ROBO1: variants seen among roughly 807,000 people sequenced by gnomAD.
The protein encoded by ROBO1 is roundabout homolog 1.
In ROBO1, 149 loss-of-function variants were observed where a neutral mutation model predicts 195.9. The observed-to-expected ratio is 0.76, with a 90% CI of 0.67 to 0.87. The LOEUF (loss-of-function observed/expected upper bound fraction) is 0.87, where lower values mean the gene tolerates loss of function less well. ROBO1 is among the 40% of genes least tolerant of loss of function. ROBO1 has a pLI of 0.00. For missense variants in ROBO1, 1,933 were observed against 2,068.3 expected (o/e 0.93, Z 1.27); for synonymous variants, 816 against 733.2 (o/e 1.11, Z -1.82).
At chr3:78,921,885 C>T (rs1240527966) in intron 4 of ROBO1, among the ~76,000 whole-genome samples, 1 of 151,808 alleles carries the variant, frequency 6.6e-6, no homozygotes, top group Non-Finnish European at 1.5e-5. Flanking sequence ...CTCTCGGGTT[C>T]AAGCGATTCC....
intron 3 of ROBO1, chr3:79,018,412 CAG>C: frequency 6.2e-7 from 1 of 1,613,850 alleles, no homozygotes; most frequent in Non-Finnish European, 8.5e-7. Flanking sequence ...GTTACCTGAA[CAG>C]AGACATATTA....
In ROBO1 at chr3:79,734,041, G is replaced by A. The variant is rs573130018; in HGVS notation, c.-51+33711C>T. Among the ~76,000 whole-genome samples the A allele has an allele frequency of 2.1e-4, 31 of 150,648 alleles. 1 individual carries two copies. The East Asian group carries it at 5.5e-3, about 27-fold the overall frequency. Reference sequence around the variant, plus strand: ...GGTCTCACTGCAACCTCCGCCTCCCGGGTTCAAGCAATTCTCCTGCCTCAG... The same window carrying A: ...GGTCTCACTGCAACCTCCGCCTCCCAGGTTCAAGCAATTCTCCTGCCTCAG... On this transcript the variant is annotated intron_variant, in intron 1 of 30. Coordinates refer to ENST00000464233, the MANE Select transcript of ROBO1 (RefSeq NM_002941.4).
intron 2 of ROBO1, among the ~76,000 whole-genome samples, chr3:79,492,943 G>C (rs1939544066): frequency 6.6e-6 from 1 of 151,988 alleles, no homozygotes; most frequent in South Asian, 2.1e-4. Flanking sequence ...ATCAGAAATT[G>C]AGAGCACAAG....
intron 1 of ROBO1, among the ~76,000 whole-genome samples, chr3:79,680,389 A>C (rs1946908959): frequency 6.6e-6 from 1 of 152,076 alleles, no homozygotes; most frequent in Non-Finnish European, 1.5e-5. Context: ...AAACTTACTC[A>C]TACTTGCTAA....
intron 28 of ROBO1, among the ~76,000 whole-genome samples, chr3:78,610,794 A>G (rs1226659627): frequency 6.6e-6 from 1 of 152,210 alleles, no homozygotes; most frequent in Non-Finnish European, 1.5e-5. Context: ...ACTGTACCTA[A>G]TTGACAATTA....
intron 2 of ROBO1, among the ~76,000 whole-genome samples, chr3:79,126,451 C>T (rs1010984056): frequency 1.3e-5 from 2 of 152,128 alleles, no homozygotes; most frequent in Non-Finnish European, 2.9e-5. Context: ...TATATAGAAG[C>T]TCAATGACAC....
intron 1 of ROBO1, among the ~76,000 whole-genome samples, chr3:79,650,205 G>A (rs1945962180): frequency 6.6e-6 from 1 of 151,776 alleles, no homozygotes; most frequent in African/African-American, 2.4e-5. Context: ...TAAGAAAACT[G>A]CAGAGAAAAT....
intron 3 of ROBO1, among the ~76,000 whole-genome samples, chr3:79,004,536 T>C (rs887842443): frequency 3.3e-5 from 5 of 151,998 alleles, no homozygotes; most frequent in Non-Finnish European, 7.4e-5. Context: ...TAGAGAAACA[T>C]AAGAAATACA....
chr3:79,027,228 G>C (rs1273870749), intron 3 of ROBO1, among the ~76,000 whole-genome samples: 1 of 152,010 alleles, frequency 6.6e-6, no homozygotes, highest in African/African-American at 2.4e-5. Flanking sequence ...AATTGTACTC[G>C]AGTTTCCTAT....
At chr3:79,667,662 A>G (rs1023197773) in intron 1 of ROBO1, among the ~76,000 whole-genome samples, 2 of 151,842 alleles carry the variant, frequency 1.3e-5, no homozygotes, top group Non-Finnish European at 2.9e-5. Flanking sequence ...AAAATATGAT[A>G]TAATTAAAGG....
At chr3:79,156,690 G>A (rs1369526569) in intron 2 of ROBO1, among the ~76,000 whole-genome samples, 2 of 151,600 alleles carry the variant, frequency 1.3e-5, no homozygotes, top group Non-Finnish European at 2.9e-5. Flanking sequence ...TTTAAAACAC[G>A]CACAAAAAAT....
Position 78,717,316 on chromosome 3 carries a change from T to G in ROBO1, c.876A>C (p.Thr292=). The G allele has an allele frequency of 6.2e-7, 1 of 1,605,470 alleles. No homozygotes were observed. Among genetic ancestry groups the G allele is most frequent in the South Asian group, 1.1e-5 (1 of 89,418 alleles). The part of the protein sequence containing the change: ...KCEARGDPVP[T]VRWRKDDGEL... ...CTCCATCATCTTTCCTCCATCGTAC[T>G]GTAGGTACAGGGTCACCTCGGGCCT... The change falls in exon 7 of 31, where the codon ACA becomes ACC. Residue 292 remains threonine, a synonymous_variant. Coordinates refer to ENST00000464233, the MANE Select transcript of ROBO1 (RefSeq NM_002941.4).
At chr3:79,199,611 TTTTG>T (rs1559730240) in intron 2 of ROBO1, among the ~76,000 whole-genome samples, 1 of 151,752 alleles carries the variant, frequency 6.6e-6, no homozygotes, top group African/African-American at 2.4e-5. Flanking sequence ...ACCATTTTTT[TTTTG>T]TTTGTCTGTT....
intron 2 of ROBO1, among the ~76,000 whole-genome samples, chr3:79,475,026 A>G (rs1263972200): frequency 6.6e-6 from 1 of 152,046 alleles, no homozygotes; most frequent in Non-Finnish European, 1.5e-5. Flanking sequence ...TATATTTGAC[A>G]TCTGAAATTA....
intron 3 of ROBO1, among the ~76,000 whole-genome samples, chr3:79,055,759 G>A (rs1359557269): frequency 6.6e-6 from 1 of 152,104 alleles, no homozygotes; most frequent in African/African-American, 2.4e-5. Context: ...TACTGTAAAA[G>A]AAGACAGGGC....
chr3:79,332,720 T>G (rs1234048087), intron 2 of ROBO1, among the ~76,000 whole-genome samples: 2 of 152,170 alleles, frequency 1.3e-5, no homozygotes, highest in African/African-American at 4.8e-5. Flanking sequence ...ACTGCATCAC[T>G]CAAAGTGATC....
At chr3:78,623,403 T>C (rs1488016038) in intron 26 of ROBO1, among the ~76,000 whole-genome samples, 2 of 152,164 alleles carry the variant, frequency 1.3e-5, no homozygotes, top group African/African-American at 2.4e-5. Flanking sequence ...TTGTGCTTAT[T>C]CCAGGAACTA....
At chr3:79,395,809 T>C (rs2037134219) in intron 2 of ROBO1, among the ~76,000 whole-genome samples, 1 of 152,122 alleles carries the variant, frequency 6.6e-6, no homozygotes, top group Admixed American at 6.5e-5. Context: ...TGTTACGTTC[T>C]AATTTATATA....
At chr3:79,400,416 C>T (rs4680960) in intron 2 of ROBO1, among the ~76,000 whole-genome samples, 55,675 of 151,814 alleles carry the variant, frequency 0.37, 10,851 homozygotes, top group Admixed American at 0.49. Context: ...CCAAAATTAC[C>T]CTCCCATTTC....
Sources: allele counts gnomAD v4.1 joint callset (sites outside exome capture counted in the v4.1 genomes callset), GRCh38; gene constraint gnomAD v4.1.1; transcripts MANE v1.5; gene names NCBI Gene and HGNC (gene_info 2026-07-23, HGNC 2026-07-21).